PPP6R2: variants seen among roughly 807,000 people sequenced by gnomAD.
The protein encoded by PPP6R2 is protein phosphatase 6 regulatory subunit 2, also known as serine/threonine-protein phosphatase 6 regulatory subunit 2.
A neutral mutation model predicts 100.2 loss-of-function variants in PPP6R2; 62 were observed. That is an observed-to-expected ratio of 0.62 (90% CI 0.50 to 0.76). The LOEUF (loss-of-function observed/expected upper bound fraction) is 0.76. PPP6R2 is among the 30% of genes least tolerant of loss of function. The pLI, the probability that PPP6R2 is intolerant of heterozygous loss-of-function variation, is 0.00. For synonymous variants in PPP6R2, 525 were observed against 514.7 expected, an observed-to-expected ratio of 1.02 and a Z score of -0.27; for missense variants, 1,142 against 1,276.3, an observed-to-expected ratio of 0.89 and a Z score of 1.60.
chr22:50,381,088 T>G lies in PPP6R2; in HGVS notation c.-17+8938T>G, dbSNP rs542322709. 9.3e-5 allele frequency among the ~76,000 whole-genome samples: 13 copies of G among 139,110 alleles called. No homozygotes were observed. In the East Asian group the frequency reaches 1.3e-3, roughly 13 times the overall value. 91.3% of individuals were successfully genotyped at this position (139,110 alleles called of 152,430 possible). ...AAGATCACGCCATTGCACTCCAGCC[T>G]GGGTGACAGGAATGAAACTTTGTCT... is the stretch of plus-strand genomic sequence containing the variant. On this transcript the variant is annotated intron_variant, in intron 2 of 23. Transcript: ENST00000612753.
chr22:50,359,411 G>A (rs988827426), intron 1 of PPP6R2, among the ~76,000 whole-genome samples: 2 of 151,996 alleles, frequency 1.3e-5, no homozygotes, highest in Non-Finnish European at 2.9e-5. Flanking sequence ...GTAGAGATGG[G>A]GTTTGCCGTG....
rs529297761 is a variant in PPP6R2, at chr22:50,442,841, C to T, written c.2580-1025C>T. Among the ~76,000 whole-genome samples, 10 of 151,202 alleles carry T rather than the reference C, an allele frequency of 6.6e-5. 1 individual carries two copies. In the East Asian group the frequency reaches 1.2e-3, roughly 18 times the overall value. On this transcript the variant is annotated intron_variant, in intron 22 of 23. Transcript: ENST00000612753. Reference sequence around the variant, plus strand: ...TGCTGGGATTACAGGTGTGAGCCACCGCGCCTGGCCTAGTCACTGAAATTC... The same window carrying T: ...TGCTGGGATTACAGGTGTGAGCCACTGCGCCTGGCCTAGTCACTGAAATTC...
chr22:50,391,029 C>T (rs12163333), intron 2 of PPP6R2, among the ~76,000 whole-genome samples: 11 of 150,996 alleles, frequency 7.3e-5, no homozygotes, highest in Admixed American at 4.6e-4. Flanking sequence ...AAATTCAGGC[C>T]GGATGCAGTG....
chr22:50,420,935 C>T (rs1194158094), intron 8 of PPP6R2, among the ~76,000 whole-genome samples: 4 of 152,248 alleles, frequency 2.6e-5, no homozygotes, highest in Non-Finnish European at 5.9e-5. Flanking sequence ...CCCAAGGTGG[C>T]CGTAGCTCCC....
At chr22:50,403,042 G>A (rs781612461) in intron 3 of PPP6R2, among the ~76,000 whole-genome samples, 2 of 152,044 alleles carry the variant, frequency 1.3e-5, no homozygotes, top group South Asian at 2.1e-4. Context: ...GTAAAACCCC[G>A]TCTCTACCAA....
chr22:50,396,641 G>T (rs1305268616), intron 3 of PPP6R2, among the ~76,000 whole-genome samples: 1 of 152,162 alleles, frequency 6.6e-6, no homozygotes, highest in Non-Finnish European at 1.5e-5. Flanking sequence ...TCCAGCAGGG[G>T]CCACGGCAAA....
intron 14 of PPP6R2, among the ~76,000 whole-genome samples, 196 bp from the exon 15 acceptor site, chr22:50,436,792 C>G (rs1416395040): frequency 2.0e-5 from 3 of 152,202 alleles, no homozygotes; most frequent in Non-Finnish European, 4.4e-5. Context: ...ACATGGAGGT[C>G]GGGCTGTCAC....
At chr22:50,395,501 C>T (rs1174236961) in intron 3 of PPP6R2, among the ~76,000 whole-genome samples, 6 of 152,306 alleles carry the variant, frequency 3.9e-5, no homozygotes, top group African/African-American at 4.8e-5. Context: ...TAGCAAACCT[C>T]GGCCTGCAGG....
At chr22:50,437,480 T>TCCCCACCCC in intron 15 of PPP6R2, 26 bp from the exon 16 acceptor site, 1 of 728,388 alleles carries the variant, frequency 1.4e-6, no homozygotes, top group Non-Finnish European at 2.5e-6. Flanking sequence ...TGTCTGTCCG[T>TCCCCACCCC]CCCTCCCTCC....
rs769047601 is a variant in PPP6R2 at position 50,431,169 on chromosome 22, C to T, written c.1126-4C>T. On this transcript the variant is annotated splice_polypyrimidine_tract_variant and splice_region_variant and intron_variant, in intron 10 of 23. Transcript: ENST00000612753. The surrounding 1 kb of genome is among the most constrained non-coding windows in gnomAD (Gnocchi z 4.8). ...GAACTGTCTTCTGTCCTCTGTTTAC[C>T]CAGGACTTGTTCTTTAAGTACACCT... 2 of 1,606,012 alleles carry T rather than the reference C, an allele frequency of 1.2e-6. No individual in the cohort carries two copies. The highest frequency in any genetic ancestry group is 1.7e-6 in the Non-Finnish European group (2 of 1,173,090).
At chr22:50,432,492 C>G (rs1405616860) in intron 12 of PPP6R2, among the ~76,000 whole-genome samples, 163 bp downstream of exon 12, 3 of 152,110 alleles carry the variant, frequency 2.0e-5, no homozygotes, top group African/African-American at 7.2e-5. Context: ...GCAAGGGGCC[C>G]TTCTACTGGG....
intron 10 of PPP6R2, among the ~76,000 whole-genome samples, chr22:50,429,233 G>A (rs187391354): frequency 1.3e-4 from 20 of 152,248 alleles, no homozygotes; most frequent in Middle Eastern, 6.8e-3. Context: ...GTTTCACCAC[G>A]TTGGCCAGGC....
rs185287040 is a variant in PPP6R2, at chr22:50,431,609, G to C, written c.1335+227G>C. Among the ~76,000 whole-genome samples, 2 of 152,170 alleles carry C rather than the reference G, an allele frequency of 1.3e-5. No homozygotes were observed. The highest frequency in any genetic ancestry group is 2.4e-5 in the African/African-American group (1 of 41,428). ...CAGCAGGGGTACTGGTGCCTTCCAC[G>C]TGCAGGCCTGGCAAGGGTTAGCACT... On this transcript the variant is annotated intron_variant, in intron 11 of 23. Transcript: ENST00000612753. This position sits in a 1 kb window ranked among gnomAD's most constrained non-coding sequence, Gnocchi z 4.8.
intron 4 of PPP6R2, among the ~76,000 whole-genome samples, chr22:50,412,461 G>A (rs2059884786): frequency 1.3e-5 from 2 of 151,882 alleles, no homozygotes; most frequent in South Asian, 2.1e-4. Context: ...AGGATTACAG[G>A]CATGAGCCAC....
Position 50,444,846 on chromosome 22 carries a change from G to A in PPP6R2, c.*599G>A, listed in dbSNP as rs2066679438. Reference sequence around the variant, plus strand: ...TAAAAACACAAGGCCCTCTAGGCCTGGCAGGGATGTCCCTGTGCCCAGCAC... The same window carrying A: ...TAAAAACACAAGGCCCTCTAGGCCTAGCAGGGATGTCCCTGTGCCCAGCAC... On this transcript the variant is annotated 3_prime_UTR_variant, in exon 24 of 24. Transcript: ENST00000612753. 6.4e-6 allele frequency: 1 copy of A among 155,068 alleles called. No homozygotes were observed. Among genetic ancestry groups the A allele is most frequent in the African/African-American group, 2.4e-5 (1 of 41,432 alleles). The allele number at this position is 155,068 out of a possible 1,614,324, so 9.6% of individuals were successfully genotyped here.
intron 1 of PPP6R2, among the ~76,000 whole-genome samples, chr22:50,354,286 C>T (rs567237766): frequency 1.2e-4 from 19 of 152,054 alleles, no homozygotes; most frequent in Non-Finnish European, 2.5e-4. Context: ...GCCTGGGCGA[C>T]GGAGCGAGAC....
chr22:50,357,992 C>G (rs376239732), intron 1 of PPP6R2, among the ~76,000 whole-genome samples: 1 of 151,972 alleles, frequency 6.6e-6, no homozygotes, highest in Non-Finnish European at 1.5e-5. Context: ...CGCTTTGTTG[C>G]CTAGGCTGGA....
intron 3 of PPP6R2, among the ~76,000 whole-genome samples, chr22:50,404,391 G>A (rs986093563): frequency 6.6e-6 from 1 of 150,422 alleles, no homozygotes; most frequent in South Asian, 2.1e-4. Context: ...CACTGCACCC[G>A]GCATATATTC....
upstream of PPP6R2, among the ~76,000 whole-genome samples, chr22:50,341,221 T>C (rs2042365518): frequency 6.6e-6 from 1 of 151,970 alleles, no homozygotes; most frequent in Admixed American, 6.6e-5. Context: ...CCTTTATTTT[T>C]TTGAGACATG....
Sources: gnomAD v4.1 joint callset for allele counts (sites outside exome capture counted in the v4.1 genomes callset) on GRCh38, gnomAD v4.1.1 for gene constraint, Gnocchi (gnomAD v3.1) non-coding constraint, MANE v1.5 for transcripts, NCBI Gene and HGNC (gene_info 2026-07-23, HGNC 2026-07-21) for gene names.